UNC13C: variants seen among roughly 807,000 people sequenced by gnomAD.
UNC13C encodes the protein unc-13 homolog C, also known as protein unc-13 homolog C.
Under a neutral mutation model 245.4 loss-of-function variants are expected in UNC13C, and 174 were observed. The observed-to-expected ratio is 0.71, with a 90% confidence interval of 0.63 to 0.80. The LOEUF is 0.80. Ranked by LOEUF, UNC13C falls within the 30% of genes least tolerant of loss-of-function variation. The probability of loss-of-function intolerance (pLI) is 0.00; values close to 1 mark genes in which losing one functional copy is unlikely to be tolerated. For missense variants in UNC13C, 2,829 were observed against 2,602.9 expected (o/e 1.09, Z -1.89); for synonymous variants, 992 against 895.1 (o/e 1.11, Z -1.93).
At chr15:54,369,826 C>T (rs1313396003) in intron 17 of UNC13C, among the ~76,000 whole-genome samples, 12 of 152,078 alleles carry the variant, frequency 7.9e-5, no homozygotes, top group Non-Finnish European at 1.3e-4. Flanking sequence ...GGTATGTGGG[C>T]CTGTCTGTGC....
At chr15:53,852,456 T>C in the UNC13C span, among the ~76,000 whole-genome samples, 2 of 152,122 alleles carry the variant, frequency 1.3e-5, no homozygotes, top group African/African-American at 4.8e-5. Flanking sequence ...CATCATGGGG[T>C]TTCTCCCTAC....
chr15:53,884,143 G>T, the UNC13C span, among the ~76,000 whole-genome samples: 13 of 152,152 alleles, frequency 8.5e-5, no homozygotes, highest in African/African-American at 3.1e-4. Context: ...AGTGCTTAAG[G>T]CTGGGAGGGA....
At chr15:54,551,704 T>C (rs1331198612) in intron 28 of UNC13C, among the ~76,000 whole-genome samples, 1 of 152,100 alleles carries the variant, frequency 6.6e-6, no homozygotes, top group Non-Finnish European at 1.5e-5. Flanking sequence ...AGTCTTTGTG[T>C]CTATTGATGA....
At chr15:54,034,937 G>C (rs1305387845) in intron 2 of UNC13C, among the ~76,000 whole-genome samples, 1 of 152,148 alleles carries the variant, frequency 6.6e-6, no homozygotes, top group Non-Finnish European at 1.5e-5. Context: ...ACAGTTTGCT[G>C]TGGCCTAGGA....
intron 19 of UNC13C, among the ~76,000 whole-genome samples, chr15:54,442,100 A>G (rs1890558405): frequency 6.6e-6 from 1 of 151,980 alleles, no homozygotes; most frequent in Non-Finnish European, 1.5e-5. Flanking sequence ...TTCCAAATAT[A>G]ATGTCTTCCA....
At chr15:54,355,037 T>C (rs1045860919) in intron 17 of UNC13C, among the ~76,000 whole-genome samples, 6 of 152,144 alleles carry the variant, frequency 3.9e-5, no homozygotes, top group African/African-American at 1.4e-4. Flanking sequence ...TGAACTATCA[T>C]GTTCAGCCTC....
At chr15:53,951,116 A>G in the UNC13C span, among the ~76,000 whole-genome samples, 1 of 152,206 alleles carries the variant, frequency 6.6e-6, no homozygotes, top group Non-Finnish European at 1.5e-5. Context: ...TCCTTTTGCC[A>G]AACTTTTAAA....
intron 2 of UNC13C, among the ~76,000 whole-genome samples, chr15:54,016,732 T>C (rs1480609439): frequency 2.6e-5 from 4 of 152,240 alleles, no homozygotes; most frequent in African/African-American, 9.6e-5. Flanking sequence ...TCCGCACTTA[T>C]TCCACTCCCT....
intron 4 of UNC13C, among the ~76,000 whole-genome samples, chr15:54,231,492 G>A (rs1346237454): frequency 9.0e-6 from 1 of 110,848 alleles, no homozygotes; most frequent in Non-Finnish European, 1.8e-5. Context: ...TGATTTTGAA[G>A]GATTCTGTCT....
At chr15:54,074,059 G>C (rs933511247) in intron 2 of UNC13C, among the ~76,000 whole-genome samples, 3 of 152,172 alleles carry the variant, frequency 2.0e-5, no homozygotes, top group African/African-American at 7.2e-5. Flanking sequence ...TTTTGTATAA[G>C]GTGTAAGGAA....
In UNC13C at chr15:54,263,586, GAGAA is replaced by G. The variant is rs1229766461; in HGVS notation, c.3449-578_3449-575del. On this transcript the variant is annotated intron_variant, in intron 8 of 32. Coordinates refer to ENST00000260323, the MANE Select transcript of UNC13C (RefSeq NM_001080534.3). ...TCATTTAAAAGCTCTGGATATATTA[GAGAA>G]AGAGAGTTCGAGTCGGTGTTCTATC... Among the ~76,000 whole-genome samples, 3 of 152,156 alleles carry G rather than the reference GAGAA, an allele frequency of 2.0e-5. No individual in the cohort carries two copies. In the East Asian group the frequency reaches 5.8e-4, roughly 29 times the overall value.
At chr15:54,619,933 A>G (rs928482294) in intron 30 of UNC13C, among the ~76,000 whole-genome samples, 2 of 152,176 alleles carry the variant, frequency 1.3e-5, no homozygotes, top group African/African-American at 4.8e-5. Flanking sequence ...TTTCAAAGTG[A>G]AAATTCTAAA....
chr15:54,432,052 A>G (rs759609672), intron 19 of UNC13C, among the ~76,000 whole-genome samples: 21 of 151,560 alleles, frequency 1.4e-4, no homozygotes, highest in Non-Finnish European at 2.8e-4. Flanking sequence ...ATTTCTATAT[A>G]TTTATATTTA....
At chr15:54,233,347 GTATTCTATTTCTT>G (rs754702576) in intron 4 of UNC13C, among the ~76,000 whole-genome samples, 23 of 151,862 alleles carry the variant, frequency 1.5e-4, no homozygotes, top group Admixed American at 2.0e-4. Context: ...TGCTTCACAC[GTATTCTATTTCTT>G]TATGATCAAA....
chr15:54,143,519 A>C, intron 3 of UNC13C, 101 bp from the exon 4 acceptor site: 2 of 815,954 alleles, frequency 2.5e-6, no homozygotes, highest in South Asian at 3.2e-5. Context: ...ACTAGGTGTT[A>C]CGTGTGTAGT....
At chr15:54,372,446 C>T (rs927190065) in intron 17 of UNC13C, among the ~76,000 whole-genome samples, 4 of 152,146 alleles carry the variant, frequency 2.6e-5, no homozygotes, top group African/African-American at 4.8e-5. Context: ...CCTTAATACT[C>T]GTGACCCAAG....
At chr15:54,181,442 G>A (rs2033794271) in intron 4 of UNC13C, among the ~76,000 whole-genome samples, 1 of 151,454 alleles carries the variant, frequency 6.6e-6, no homozygotes, top group South Asian at 2.1e-4. Context: ...TAATGGCTGT[G>A]GCTCTGTTTT....
At chr15:53,948,591 G>A in the UNC13C span, 3 of 150,830 alleles carry the variant, frequency 2.0e-5, no homozygotes, top group African/African-American at 4.9e-5. Flanking sequence ...TCCAGCCTGG[G>A]TGACAGCAAG....
chr15:54,150,152 T>C (rs189087725), intron 4 of UNC13C, among the ~76,000 whole-genome samples: 2 of 152,362 alleles, frequency 1.3e-5, no homozygotes, highest in African/African-American at 4.8e-5. Flanking sequence ...ATTTTTTTGG[T>C]ATCAGTTCTG....
Sources: allele counts gnomAD v4.1 joint callset (sites outside exome capture counted in the v4.1 genomes callset), GRCh38; gene constraint gnomAD v4.1.1; transcripts MANE v1.5; gene names NCBI Gene and HGNC (gene_info 2026-07-23, HGNC 2026-07-21).